The following MXD4 variants were observed in gnomAD, a reference collection of about 807,000 sequenced individuals.
MXD4 encodes the protein Mad4 homolog.
Under a neutral mutation model 24.5 loss-of-function variants are expected in MXD4, and 16 were observed. That is an observed-to-expected ratio of 0.65 (90% CI 0.44 to 0.99). MXD4 has a LOEUF of 0.99. Ranked by LOEUF, MXD4 falls within the 50% of genes least tolerant of loss-of-function variation. MXD4 has a pLI of 0.00. For synonymous variants in MXD4, 164 were observed against 134.2 expected, an observed-to-expected ratio of 1.22 and a Z score of -1.54; for missense variants, 301 against 301.5, an observed-to-expected ratio of 1.00 and a Z score of 0.01.
chr4:2,259,602 C>G (rs1267246960), intron 2 of MXD4, among the ~76,000 whole-genome samples: 2 of 152,164 alleles, frequency 1.3e-5, no homozygotes, highest in Non-Finnish European at 1.5e-5. Context: ...CTGCCTACCC[C>G]TTGAAGGGTG....
chr4:2,260,122 C>A (rs970274254), intron 2 of MXD4, among the ~76,000 whole-genome samples: 1 of 152,250 alleles, frequency 6.6e-6, no homozygotes, highest in African/African-American at 2.4e-5. Flanking sequence ...CAGCCCTGGG[C>A]TGCCTCAGGC....
At chr4:2,252,940 C>T (rs1465186837) in intron 3 of MXD4, 7 of 175,922 alleles carry the variant, frequency 4.0e-5, no homozygotes, top group Non-Finnish European at 8.7e-5. Flanking sequence ...TCTACCTCAT[C>T]GTGCACAACG....
intron 3 of MXD4, among the ~76,000 whole-genome samples, chr4:2,257,652 G>A (rs918026867): frequency 2.0e-5 from 3 of 152,238 alleles, no homozygotes; most frequent in Non-Finnish European, 2.9e-5. Context: ...GCAGAGAGCC[G>A]AACCCTCCTG....
In MXD4 at chr4:2,258,000, T is replaced by C; in HGVS notation, c.176A>G (p.Asn59Ser). The C allele has an allele frequency of 6.2e-7, 1 of 1,613,744 alleles. No individual in the cohort carries two copies. The highest frequency in any genetic ancestry group is 1.3e-5 in the African/African-American group (1 of 75,066). ...CACTTACCTGTGCTTTTCTAGCTCG[T>C]TGTGTGAAGACCTGTTTAGAAAGAC... ...RKAPNNRSSH[N>S]ELEKHRRAKL... The change falls in exon 3 of 6, where the codon AAC becomes AGC. Residue 59 changes from asparagine (N) to serine (S), a missense_variant. Transcript: ENST00000337190.
At chr4:2,251,272 C>T in intron 4 of MXD4, 26 bp from the exon 5 acceptor site, 1 of 1,561,076 alleles carries the variant, frequency 6.4e-7, no homozygotes, top group Non-Finnish European at 8.7e-7. Context: ...GCTGTGAGCT[C>T]ACAGCGGGAA....
chr4:2,260,722 GT>G (rs1396078975), intron 2 of MXD4: 6 of 394,664 alleles, frequency 1.5e-5, no homozygotes, highest in Middle Eastern at 3.6e-4. Context: ...ACAGAAATGG[GT>G]CCCTACACCA....
At chr4:2,253,228 A>G (rs575023274) in intron 3 of MXD4, 1 of 152,356 alleles carries the variant, frequency 6.6e-6, no homozygotes, top group South Asian at 2.1e-4. Flanking sequence ...CCCTGGCTTC[A>G]TCCTAGGCCT....
chr4:2,251,739 C>G (rs1735327116), intron 4 of MXD4, among the ~76,000 whole-genome samples: 1 of 152,254 alleles, frequency 6.6e-6, no homozygotes, highest in Non-Finnish European at 1.5e-5. Context: ...ACACTGCTTG[C>G]TCTGTGAGGG....
At chr4:2,261,683 G>T (rs995771662) in intron 2 of MXD4, 42 bp downstream of exon 2, 2 of 1,189,238 alleles carry the variant, frequency 1.7e-6, no homozygotes, top group South Asian at 2.2e-5. Flanking sequence ...GGGGGCGGGG[G>T]TTCGGACCGG....
At chr4:2,256,077 G>A in intron 3 of MXD4, among the ~76,000 whole-genome samples, 1 of 152,222 alleles carries the variant, frequency 6.6e-6, no homozygotes. Context: ...GGGGAATGTG[G>A]GGCAGAGACT....
chr4:2,250,302 G>C lies in MXD4; in HGVS notation c.*242C>G, dbSNP rs562559045. ...GACCGTGGGCGGCTATGCTGACCAG[G>C]GCTCCGGATGTGGAAGCTGGGCCCT... On this transcript the variant is annotated 3_prime_UTR_variant, in exon 6 of 6. Coordinates refer to ENST00000337190, the MANE Select transcript of MXD4 (RefSeq NM_006454.3). 10 of 581,842 alleles carry C rather than the reference G, an allele frequency of 1.7e-5. No individual in the cohort carries two copies. The East Asian group carries it at 2.9e-4, about 17-fold the overall frequency. The allele number at this position is 581,842 out of a possible 1,614,324, so 36.0% of individuals were successfully genotyped here. A position where few individuals can be genotyped will look rare whatever the true frequency, so the allele number is the denominator to read the frequency against.
At position 2,258,251 on chromosome 4, in the gene MXD4, G is replaced by A. The variant is rs371930251; in HGVS notation, c.165-240C>T. On this transcript the variant is annotated intron_variant, in intron 2 of 5. Coordinates refer to ENST00000337190, the MANE Select transcript of MXD4 (RefSeq NM_006454.3). Reference sequence around the variant, plus strand: ...TTGGGTACTCCGTGCCGGGGGAGCCGCAGCTCACGCCCTGGAGTTCTCCAT... The same window carrying A: ...TTGGGTACTCCGTGCCGGGGGAGCCACAGCTCACGCCCTGGAGTTCTCCAT... Among the ~76,000 whole-genome samples, 268 of 152,258 alleles carry A rather than the reference G, an allele frequency of 1.8e-3. 10 individuals are homozygous for A. The South Asian group carries it at 0.054, about 31-fold the overall frequency.
rs995035135 is a variant in MXD4 at position 2,248,537 on chromosome 4, G to C, written c.*2007C>G. On this transcript the variant is annotated 3_prime_UTR_variant, in exon 6 of 6. Transcript: ENST00000337190. The stretch of plus-strand genomic sequence containing the variant: ...CCACGGTGTTTGAAATGAAGCCTGG[G>C]GGGACAGACTCAGGCAGGCAGGGGA... The C allele has an allele frequency of 6.6e-6, 1 of 152,598 alleles. No individual in the cohort carries two copies. Among genetic ancestry groups the C allele is most frequent in the East Asian group, 1.9e-4 (1 of 5,190 alleles). The allele number at this position is 152,598 out of a possible 1,614,324, so 9.5% of individuals were successfully genotyped here. A position where few individuals can be genotyped will look rare whatever the true frequency, so the allele number is the denominator to read the frequency against.
chr4:2,251,361 C>T, intron 4 of MXD4, 115 bp from the exon 5 acceptor site: 2 of 1,302,578 alleles, frequency 1.5e-6, no homozygotes, highest in Non-Finnish European at 1.0e-6. Context: ...CCTGCCAAGA[C>T]CTAGCCAAGG....
chr4:2,258,091 C>T, intron 2 of MXD4, 80 bp from the exon 3 acceptor site: 2 of 1,556,688 alleles, frequency 1.3e-6, no homozygotes, highest in Non-Finnish European at 8.8e-7. Context: ...TCCTAGGGGG[C>T]CAGGACCTGC....
chr4:2,255,983 G>C (rs908701511), intron 3 of MXD4, among the ~76,000 whole-genome samples: 1 of 152,198 alleles, frequency 6.6e-6, no homozygotes, highest in Non-Finnish European at 1.5e-5. Flanking sequence ...AGAACTTCCC[G>C]AGGTATGTGA....
chr4:2,257,885 C>T (rs1735462371), intron 3 of MXD4, 97 bp downstream of exon 3: 18 of 1,510,944 alleles, frequency 1.2e-5, no homozygotes, highest in African/African-American at 4.1e-5. Context: ...CACGGCTGGC[C>T]GTGCCCGGGA....
intron 2 of MXD4, chr4:2,260,600 C>T (rs1352082973): frequency 4.4e-6 from 2 of 455,328 alleles, no homozygotes; most frequent in East Asian, 7.0e-5. Flanking sequence ...TCGTCACACT[C>T]CTGTCCTTCC....
Position 2,260,448 on chromosome 4 carries a change from T to C in MXD4, c.164+1277A>G, listed in dbSNP as rs1419659432. The C allele has an allele frequency of 3.8e-5, 16 of 422,378 alleles. No individual in the cohort carries two copies. The East Asian group carries it at 1.2e-3, about 30-fold the overall frequency. The allele number at this position is 422,378 out of a possible 1,614,324, so 26.2% of individuals were successfully genotyped here. On this transcript the variant is annotated intron_variant, in intron 2 of 5. Coordinates refer to ENST00000337190, the MANE Select transcript of MXD4 (RefSeq NM_006454.3). ...GTTCGGGCAGCCTTGGCCAGGACGC[T>C]GGTTGTCAGCTTTGGATTCTCCATG...
Sources: allele counts gnomAD v4.1 joint callset (sites outside exome capture counted in the v4.1 genomes callset), GRCh38; gene constraint gnomAD v4.1.1; transcripts MANE v1.5; gene names NCBI Gene and HGNC (gene_info 2026-07-23, HGNC 2026-07-21).